The following QDPR variants were observed in gnomAD, a reference collection of about 807,000 sequenced individuals.
The protein encoded by QDPR is quinoid dihydropteridine reductase.
Under a neutral mutation model 31.7 loss-of-function variants are expected in QDPR, and 23 were observed. The observed-to-expected ratio is 0.73, with a 90% CI of 0.52 to 1.03. The LOEUF (loss-of-function observed/expected upper bound fraction) is 1.03, where lower values mean the gene tolerates loss of function less well. QDPR is among the 50% of genes least tolerant of loss of function. QDPR has a pLI of 0.00. For synonymous variants in QDPR, 124 were observed against 124.7 expected, an observed-to-expected ratio of 0.99 and a Z score of 0.03; for missense variants, 324 against 323.8, an observed-to-expected ratio of 1.00 and a Z score of 0.00.
At chr4:17,505,956 G>C (rs1718772866) in intron 2 of QDPR, among the ~76,000 whole-genome samples, 1 of 152,112 alleles carries the variant, frequency 6.6e-6, no homozygotes, top group Non-Finnish European at 1.5e-5. Flanking sequence ...CTACTGCCAA[G>C]CCTTGGGTGG....
intron 1 of QDPR, among the ~76,000 whole-genome samples, chr4:17,510,400 T>C (rs887634673): frequency 2.6e-5 from 4 of 152,226 alleles, no homozygotes; most frequent in African/African-American, 9.6e-5. Context: ...GCACAGGGGA[T>C]GTTCAGTCCT....
At chr4:17,494,390 C>T (rs1718277836) in intron 4 of QDPR, among the ~76,000 whole-genome samples, 3 of 152,152 alleles carry the variant, frequency 2.0e-5, no homozygotes, top group Admixed American at 2.0e-4. Context: ...TACCATGCTA[C>T]AGTCTCCACC....
rs1248495029 is a variant in QDPR, at chr4:17,501,847, T to C, written c.308A>G (p.Asn103Ser). Residue 103 changes from asparagine (N) to serine (S), a missense_variant, in exon 4 of 7, where the codon AAC (asparagine) becomes AGC (serine). By Grantham distance (46) the Asn-to-Ser change is conservative. Coordinates refer to ENST00000281243, the MANE Select transcript of QDPR (RefSeq NM_000320.3). ...GNAKSKSLFK[N>S]CDLMWKQSIW... ...GCTCTGCTTCCACATCAGGTCACAG[T>C]TCTTAAAGAGAGCTGAGTGAAAAAA... is the stretch of plus-strand genomic sequence containing the variant. 8 of 1,614,160 alleles carry C rather than the reference T, an allele frequency of 5.0e-6. No homozygotes were observed. The highest frequency in any genetic ancestry group is 1.7e-5 in the Admixed American group (1 of 60,022).
intron 4 of QDPR, among the ~76,000 whole-genome samples, chr4:17,498,280 C>G (rs1458771062): frequency 6.6e-6 from 1 of 152,196 alleles, no homozygotes; most frequent in Non-Finnish European, 1.5e-5. Flanking sequence ...ACAACTACCT[C>G]AAATTGCAAA....
intron 4 of QDPR, among the ~76,000 whole-genome samples, chr4:17,499,725 G>A (rs1577190508): frequency 6.6e-6 from 1 of 152,188 alleles, no homozygotes; most frequent in Non-Finnish European, 1.5e-5. Context: ...TTTGAGACCA[G>A]CCTGGGCATC....
intron 6 of QDPR, among the ~76,000 whole-genome samples, chr4:17,488,186 C>T (rs536168434): frequency 1.3e-5 from 2 of 151,720 alleles, no homozygotes; most frequent in African/African-American, 2.4e-5. Flanking sequence ...GCTTGAGCCC[C>T]GGAGATCAAG....
At chr4:17,508,748 A>G (rs1718883844) in intron 2 of QDPR, among the ~76,000 whole-genome samples, 1 of 151,834 alleles carries the variant, frequency 6.6e-6, no homozygotes, top group African/African-American at 2.4e-5. Flanking sequence ...AAATGTTAAC[A>G]GTGAACTAAC....
At chr4:17,491,435 GAGA>G (rs904476114) in intron 5 of QDPR, among the ~76,000 whole-genome samples, 4 of 152,242 alleles carry the variant, frequency 2.6e-5, no homozygotes, top group South Asian at 2.1e-4. Context: ...GCCTTCCAGC[GAGA>G]AGGAGTAGCC....
At chr4:17,506,595 C>T (rs2108995633) in intron 2 of QDPR, among the ~76,000 whole-genome samples, 1 of 152,328 alleles carries the variant, frequency 6.6e-6, no homozygotes, top group East Asian at 1.9e-4. Context: ...CCTTTCTGTG[C>T]CTCAGTTACC....
intron 2 of QDPR, among the ~76,000 whole-genome samples, chr4:17,508,585 C>A: frequency 6.7e-6 from 1 of 148,914 alleles, no homozygotes; most frequent in Admixed American, 6.7e-5. Context: ...TGGAATATCA[C>A]ACATCTACAA....
At chr4:17,493,121 AGACACCAACTGGGTGTCT>A (rs1718225832) in intron 4 of QDPR, among the ~76,000 whole-genome samples, 1 of 152,200 alleles carries the variant, frequency 6.6e-6, no homozygotes, top group African/African-American at 2.4e-5. Context: ...CTAAGTCTCC[AGACACCAACTGGGTGTCT>A]GACAATTCAA....
intron 4 of QDPR, among the ~76,000 whole-genome samples, chr4:17,494,287 G>A (rs958674570): frequency 6.6e-6 from 1 of 152,162 alleles, no homozygotes; most frequent in Non-Finnish European, 1.5e-5. Context: ...CTGCCCTTCA[G>A]CCTGGTTTTT....
intron 4 of QDPR, among the ~76,000 whole-genome samples, chr4:17,499,640 C>T (rs1284807762): frequency 1.3e-5 from 2 of 150,014 alleles, no homozygotes; most frequent in East Asian, 2.5e-4. Flanking sequence ...TGAGAAGGGG[C>T]CTGGCGTAGT....
Position 17,486,728 on chromosome 4 carries a change from T to C in QDPR, c.*403A>G, listed in dbSNP as rs1049600. ...TTCAAGGATGCGAAAACTACGTCTA[T>C]GACATAAACATGACATTCAAAAATA... is the stretch of plus-strand genomic sequence containing the variant. On this transcript the variant is annotated 3_prime_UTR_variant, in exon 7 of 7. Coordinates refer to ENST00000281243, the MANE Select transcript of QDPR (RefSeq NM_000320.3). The C allele has an allele frequency of 0.095, 22,586 of 237,910 alleles. 2,632 individuals carry two copies. The highest frequency in any genetic ancestry group is 0.44 in the East Asian group (4,533 of 10,286). 14.7% of individuals were successfully genotyped at this position (237,910 alleles called of 1,614,324 possible). A position where few individuals can be genotyped will look rare whatever the true frequency, so the allele number is the denominator to read the frequency against.
intron 4 of QDPR, among the ~76,000 whole-genome samples, chr4:17,499,741 G>A (rs749316810): frequency 5.9e-5 from 9 of 152,244 alleles, no homozygotes; most frequent in East Asian, 1.9e-4. Flanking sequence ...GCATCATAGC[G>A]AGACCCTGCT....
At chr4:17,508,498 A>G (rs1261922222) in intron 2 of QDPR, among the ~76,000 whole-genome samples, 1 of 152,236 alleles carries the variant, frequency 6.6e-6, no homozygotes, top group Non-Finnish European at 1.5e-5. Context: ...CATTCTTGAC[A>G]ATAGTAAAAC....
At chr4:17,491,120 A>C (rs1263991137) in intron 5 of QDPR, among the ~76,000 whole-genome samples, 1 of 152,222 alleles carries the variant, frequency 6.6e-6, no homozygotes, top group South Asian at 2.1e-4. Flanking sequence ...CTAAGGATTT[A>C]AGATAGTTAT....
In QDPR at chr4:17,509,080, C is replaced by T. The variant is rs566645918; in HGVS notation, c.198+191G>A. 9.2e-5 allele frequency among the ~76,000 whole-genome samples: 14 copies of T among 152,224 alleles called. No individual in the cohort carries two copies. The East Asian group carries it at 2.1e-3, about 23-fold the overall frequency. Reference sequence around the variant, plus strand: ...GGCTGAGGCAGGAGAATTGCTTCAACCCAGGAGGCAAAGGTTGCAGTGAAC... The same window carrying T: ...GGCTGAGGCAGGAGAATTGCTTCAATCCAGGAGGCAAAGGTTGCAGTGAAC... On this transcript the variant is annotated intron_variant, in intron 2 of 6. Transcript: ENST00000281243.
chr4:17,509,206 T>C, intron 2 of QDPR, 65 bp downstream of exon 2: 1 of 1,217,450 alleles, frequency 8.2e-7, no homozygotes, highest in Non-Finnish European at 1.2e-6. Flanking sequence ...AGGAAGAACA[T>C]ACAGCCAGTG....
Sources: allele counts gnomAD v4.1 joint callset (sites outside exome capture counted in the v4.1 genomes callset), GRCh38; gene constraint gnomAD v4.1.1; transcripts MANE v1.5; gene names NCBI Gene and HGNC (gene_info 2026-07-23, HGNC 2026-07-21).